Variants in ZNF804A observed in about 807,000 individuals in gnomAD.
The protein encoded by ZNF804A is zinc finger protein 804A.
ZNF804A carries 2 observed loss-of-function variants against 16.5 expected under a neutral mutation model. That is an observed-to-expected ratio of 0.12 (90% CI 0.05 to 0.38). The LOEUF is 0.38. Ranked by LOEUF, ZNF804A falls within the 10% of genes least tolerant of loss-of-function variation. The pLI is 0.99. For synonymous variants in ZNF804A, 534 were observed against 489.6 expected, an observed-to-expected ratio of 1.09 and a Z score of -1.20; for missense variants, 1,473 against 1,390.7, an observed-to-expected ratio of 1.06 and a Z score of -0.94.
chr2:184,810,501 T>TG (rs1274969987), intron 1 of ZNF804A, among the ~76,000 whole-genome samples: 1 of 140,480 alleles, frequency 7.1e-6, no homozygotes, highest in Non-Finnish European at 1.5e-5. Flanking sequence ...TTTTTTTTTT[T>TG]TTTTTTTGAG....
chr2:184,708,224 T>C (rs968950202), intron 1 of ZNF804A, among the ~76,000 whole-genome samples: 1 of 152,134 alleles, frequency 6.6e-6, no homozygotes, highest in Non-Finnish European at 1.5e-5. Context: ...AGGTTGTCTG[T>C]TTACTTTCCT....
At chr2:184,855,191 TG>T (rs1010129140) in intron 1 of ZNF804A, among the ~76,000 whole-genome samples, 5 of 152,052 alleles carry the variant, frequency 3.3e-5, no homozygotes, top group African/African-American at 1.2e-4. Context: ...ATGACTGTGC[TG>T]GGATATGCTA....
chr2:184,822,219 C>G (rs1464974680), intron 1 of ZNF804A, among the ~76,000 whole-genome samples: 1 of 152,150 alleles, frequency 6.6e-6, no homozygotes, highest in Non-Finnish European at 1.5e-5. Context: ...CCATGGAATA[C>G]TATGCGGCTA....
intron 1 of ZNF804A, among the ~76,000 whole-genome samples, chr2:184,609,819 G>A (rs114105057): frequency 0.017 from 2,517 of 152,314 alleles, 25 homozygotes; most frequent in Admixed American, 0.024. Context: ...GTATTTTGGG[G>A]GATACAGAAG....
At chr2:184,749,443 G>A (rs1325658906) in intron 1 of ZNF804A, among the ~76,000 whole-genome samples, 1 of 151,038 alleles carries the variant, frequency 6.6e-6, no homozygotes, top group African/African-American at 2.4e-5. Flanking sequence ...TGAAATCTTG[G>A]TAAAATAGTT....
At chr2:184,762,505 T>C (rs1694054997) in intron 1 of ZNF804A, among the ~76,000 whole-genome samples, 1 of 151,976 alleles carries the variant, frequency 6.6e-6, no homozygotes, top group South Asian at 2.1e-4. Context: ...TGTGTCTTTT[T>C]AAATGGCAAA....
chr2:184,795,248 G>A (rs577753862), intron 1 of ZNF804A, among the ~76,000 whole-genome samples: 11 of 152,148 alleles, frequency 7.2e-5, no homozygotes, highest in South Asian at 4.1e-4. Context: ...AATAAAACTC[G>A]AAATCAACTT....
chr2:184,790,382 AG>A (rs1385224109), intron 1 of ZNF804A, among the ~76,000 whole-genome samples: 1 of 151,926 alleles, frequency 6.6e-6, no homozygotes, highest in Non-Finnish European at 1.5e-5. Flanking sequence ...ATCCAGTTTA[AG>A]TCCAGAGGTT....
chr2:184,892,688 G>A (rs376855578), intron 2 of ZNF804A, among the ~76,000 whole-genome samples: 5 of 151,888 alleles, frequency 3.3e-5, no homozygotes, highest in East Asian at 3.9e-4. Flanking sequence ...TTCGCCTGTT[G>A]GCCAGGCTGG....
At chr2:184,917,308 C>T (rs886222907) in intron 2 of ZNF804A, among the ~76,000 whole-genome samples, 1 of 152,142 alleles carries the variant, frequency 6.6e-6, no homozygotes, top group African/African-American at 2.4e-5. Context: ...ATCCCTTCCC[C>T]AGAAGATAAT....
intron 2 of ZNF804A, among the ~76,000 whole-genome samples, chr2:184,886,722 A>G (rs1269165859): frequency 6.6e-6 from 1 of 152,252 alleles, no homozygotes; most frequent in Non-Finnish European, 1.5e-5. Flanking sequence ...CCAAAGCCAC[A>G]GCCCAAGCTG....
intron 1 of ZNF804A, among the ~76,000 whole-genome samples, chr2:184,669,224 G>A (rs555786788): frequency 1.3e-5 from 2 of 152,098 alleles, no homozygotes; most frequent in East Asian, 1.9e-4. Context: ...GATACACTGA[G>A]AATACATATT....
chr2:184,626,422 T>G lies in ZNF804A; in HGVS notation c.111+27352T>G, dbSNP rs148025114. On this transcript the variant is annotated intron_variant, in intron 1 of 3. Coordinates refer to ENST00000302277, the MANE Select transcript of ZNF804A (RefSeq NM_194250.2). ...AATTTTTGAAACTATTTTGTATGCT[T>G]ACTACTTGATAGAAATTAAAATCCA... Among the ~76,000 whole-genome samples, 897 of 152,304 alleles carry G rather than the reference T, an allele frequency of 5.9e-3. 11 individuals are homozygous for G. Among genetic ancestry groups the G allele is most frequent in the African/African-American group, 0.021 (864 of 41,568 alleles).
intron 1 of ZNF804A, among the ~76,000 whole-genome samples, chr2:184,864,576 A>G (rs1695846921): frequency 6.6e-6 from 1 of 152,240 alleles, no homozygotes; most frequent in Admixed American, 6.5e-5. Flanking sequence ...ATTGATTACT[A>G]TAAACTATGC....
rs148132749 is a variant in ZNF804A, at chr2:184,752,297, C to T, written c.112-114072C>T. Among the ~76,000 whole-genome samples the T allele has an allele frequency of 2.6e-3, 389 of 151,592 alleles. 1 individual carries two copies. Among genetic ancestry groups the T allele is most frequent in the Middle Eastern group, 6.8e-3 (2 of 294 alleles). The stretch of plus-strand genomic sequence containing the variant: ...ATATACACCATGGAATACTACACAG[C>T]GACAAAAATAATAAAATTATGTTCT... On this transcript the variant is annotated intron_variant, in intron 1 of 3. Transcript: ENST00000302277.
chr2:184,876,657 G>A (rs956259858), intron 2 of ZNF804A, among the ~76,000 whole-genome samples: 4 of 152,096 alleles, frequency 2.6e-5, no homozygotes, highest in African/African-American at 4.8e-5. Flanking sequence ...TTTGTCTTGA[G>A]TATGCACCAG....
At chr2:184,667,612 A>T (rs1417597881) in intron 1 of ZNF804A, among the ~76,000 whole-genome samples, 1 of 151,882 alleles carries the variant, frequency 6.6e-6, no homozygotes, top group African/African-American at 2.4e-5. Flanking sequence ...ATTCATAAAC[A>T]TATTAGGAAA....
chr2:184,913,851 A>T (rs1175659354), intron 2 of ZNF804A, among the ~76,000 whole-genome samples: 2 of 152,122 alleles, frequency 1.3e-5, no homozygotes, highest in Non-Finnish European at 2.9e-5. Flanking sequence ...ATGACTCTAG[A>T]TTCTCAGGTC....
chr2:184,647,115 G>C (rs186033642), intron 1 of ZNF804A, among the ~76,000 whole-genome samples: 1 of 152,262 alleles, frequency 6.6e-6, no homozygotes, highest in Admixed American at 6.5e-5. Context: ...GAAATGCATA[G>C]GTTTATAGAA....
Sources: gnomAD v4.1 joint callset for allele counts (sites outside exome capture counted in the v4.1 genomes callset) on GRCh38, gnomAD v4.1.1 for gene constraint, MANE v1.5 for transcripts, NCBI Gene and HGNC (gene_info 2026-07-23, HGNC 2026-07-21) for gene names.